The following LUC7L2 variants were observed in gnomAD, a reference collection of about 807,000 sequenced individuals.
The protein encoded by LUC7L2 is LUC7 like 2, pre-mRNA splicing factor, also known as putative RNA-binding protein Luc7-like 2.
LUC7L2 carries 25 observed loss-of-function variants against 52.8 expected under a neutral mutation model. The ratio of observed to expected loss-of-function variants is 0.47; its 90% CI spans 0.34 to 0.66. The LOEUF is 0.66. Among genes scored for constraint, LUC7L2 ranks in the 30% least tolerant of loss-of-function variants. The pLI is 0.01. For missense variants in LUC7L2, 328 were observed against 497.8 expected (o/e 0.66, Z 3.25); for synonymous variants, 144 against 160.9 (o/e 0.89, Z 0.80).
intron 9 of LUC7L2, among the ~76,000 whole-genome samples, chr7:139,420,267 G>A (rs145575842): frequency 2.6e-5 from 4 of 152,252 alleles, no homozygotes; most frequent in East Asian, 1.9e-4. Context: ...GCAGTGGCGC[G>A]ATCTCGGCTC....
chr7:139,370,979 A>T (rs750843301), intron 1 of LUC7L2, among the ~76,000 whole-genome samples: 1 of 152,230 alleles, frequency 6.6e-6, no homozygotes, highest in Non-Finnish European at 1.5e-5. Context: ...CTCTAGCTCT[A>T]GCTTTCCTTT....
At chr7:139,352,263 G>C (rs771636138) in intron 1 of LUC7L2, among the ~76,000 whole-genome samples, 2 of 151,998 alleles carry the variant, frequency 1.3e-5, no homozygotes, top group Non-Finnish European at 2.9e-5. Flanking sequence ...GCTGAGGCAG[G>C]AGGATGGCTT....
chr7:139,363,749 G>T (rs1483264349), intron 1 of LUC7L2, among the ~76,000 whole-genome samples: 1 of 152,044 alleles, frequency 6.6e-6, no homozygotes, highest in Non-Finnish European at 1.5e-5. Context: ...GAAAATCCAA[G>T]AAACAGTTTG....
chr7:139,399,449 A>ATTTTTTTTTTTTTTTTTTT (rs71169090), intron 3 of LUC7L2, among the ~76,000 whole-genome samples: 2 of 50,458 alleles, frequency 4.0e-5, no homozygotes, highest in African/African-American at 6.7e-5. Flanking sequence ...TGTTTGGGGG[A>ATTTTTTTTTTTTTTTTTTT]TTTTTTTTTT....
chr7:139,379,705 A>G (rs1418422233), intron 2 of LUC7L2, among the ~76,000 whole-genome samples: 1 of 149,422 alleles, frequency 6.7e-6, no homozygotes, highest in Non-Finnish European at 1.5e-5. Context: ...AGCTGGGATT[A>G]CAGGCATGCA....
chr7:139,377,308 G>A (rs143990966), intron 2 of LUC7L2, among the ~76,000 whole-genome samples: 5 of 152,246 alleles, frequency 3.3e-5, no homozygotes, highest in Admixed American at 2.6e-4. Flanking sequence ...GGCTTCAAGC[G>A]ATTCTCCTGC....
intron 2 of LUC7L2, among the ~76,000 whole-genome samples, chr7:139,394,282 C>A (rs1032068674): frequency 6.6e-6 from 1 of 152,144 alleles, no homozygotes; most frequent in African/African-American, 2.4e-5. Flanking sequence ...ATAGGCACAT[C>A]GTAGATAAAA....
chr7:139,345,830 G>A (rs1314787558), intron 1 of LUC7L2: 3 of 1,050,188 alleles, frequency 2.9e-6, no homozygotes, highest in South Asian at 3.8e-5. Context: ...CTAGTTCTTA[G>A]GGGAATTAAC....
chr7:139,408,212 G>A (rs1043833431), intron 6 of LUC7L2, among the ~76,000 whole-genome samples: 2 of 152,162 alleles, frequency 1.3e-5, no homozygotes, highest in African/African-American at 4.8e-5. Context: ...TCAGTATTCT[G>A]AGTAGCTAGG....
chr7:139,388,032 C>T (rs757547107), intron 2 of LUC7L2, among the ~76,000 whole-genome samples: 1 of 152,110 alleles, frequency 6.6e-6, no homozygotes, highest in Non-Finnish European at 1.5e-5. Context: ...TATTCTTTCT[C>T]CTCTCTACAA....
intron 8 of LUC7L2, among the ~76,000 whole-genome samples, chr7:139,413,799 A>G (rs1389617000): frequency 2.0e-5 from 3 of 152,124 alleles, no homozygotes; most frequent in African/African-American, 7.2e-5. Flanking sequence ...CAAAAACCTT[A>G]CAGTTCTGTT....
intron 1 of LUC7L2, chr7:139,341,486 C>T: frequency 6.2e-7 from 1 of 1,613,796 alleles, no homozygotes; most frequent in Non-Finnish European, 8.5e-7. Context: ...ACACCGCGGC[C>T]TATCGGTACC....
chr7:139,360,487 C>T (rs955938860), intron 1 of LUC7L2, among the ~76,000 whole-genome samples, 165 bp downstream of exon 1: 3 of 152,146 alleles, frequency 2.0e-5, no homozygotes, highest in African/African-American at 4.8e-5. Flanking sequence ...GCTCGGCAGG[C>T]GGGCAGGGGG....
At chr7:139,415,054 G>GTTGTTTTT (rs1795526800) in intron 8 of LUC7L2, among the ~76,000 whole-genome samples, 1 of 54,192 alleles carries the variant, frequency 1.8e-5, no homozygotes. Context: ...GCCCTGCTAA[G>GTTGTTTTT]TTTTTTTTTT....
At chr7:139,358,659 T>G (rs1002956953), upstream of LUC7L2, among the ~76,000 whole-genome samples, 6 of 152,228 alleles carry the variant, frequency 3.9e-5, no homozygotes, top group African/African-American at 1.4e-4. Flanking sequence ...TAAGCAACCT[T>G]TCTTCCTGCA....
intron 1 of LUC7L2, among the ~76,000 whole-genome samples, chr7:139,348,775 C>A (rs1482853922): frequency 1.3e-5 from 2 of 152,090 alleles, no homozygotes; most frequent in Non-Finnish European, 2.9e-5. Flanking sequence ...GATTTGTGAT[C>A]TTGGGCAGGT....
intron 2 of LUC7L2, among the ~76,000 whole-genome samples, chr7:139,393,440 AAAAT>A (rs1794532304): frequency 1.3e-5 from 2 of 152,028 alleles, no homozygotes; most frequent in South Asian, 4.1e-4. Context: ...TAAAAAAGTA[AAAAT>A]AAATAAATAA....
At chr7:139,340,679 G>A (rs764912495) in intron 1 of LUC7L2, 7 of 394,612 alleles carry the variant, frequency 1.8e-5, no homozygotes, top group African/African-American at 6.2e-5. Flanking sequence ...AATATGTTGT[G>A]TGAGCGCGTC....
At chr7:139,395,330 A>G (rs1051205937) in intron 2 of LUC7L2, among the ~76,000 whole-genome samples, 1 of 152,204 alleles carries the variant, frequency 6.6e-6, no homozygotes, top group East Asian at 1.9e-4. Context: ...TTGTTTAATG[A>G]GCACCTTTTA....
Sources: gnomAD v4.1 joint callset for allele counts (sites outside exome capture counted in the v4.1 genomes callset) on GRCh38, gnomAD v4.1.1 for gene constraint, MANE v1.5 for transcripts, NCBI Gene and HGNC (gene_info 2026-07-23, HGNC 2026-07-21) for gene names.